The following PRDM16 variants were observed in gnomAD, a reference collection of about 807,000 sequenced individuals.
PRDM16 encodes histone-lysine N-methyltransferase PRDM16.
In PRDM16, 23 loss-of-function variants were observed where a neutral mutation model predicts 110.6. The ratio of observed to expected loss-of-function variants is 0.21; its 90% CI spans 0.15 to 0.29. The LOEUF (loss-of-function observed/expected upper bound fraction) is 0.29. Ranked by LOEUF, PRDM16 falls within the 10% of genes least tolerant of loss-of-function variation. The pLI, the probability that PRDM16 is intolerant of heterozygous loss-of-function variation, is 1.00. For missense variants in PRDM16, 1,615 were observed against 1,794.3 expected (o/e 0.90, Z 1.81); for synonymous variants, 799 against 781.8 (o/e 1.02, Z -0.37).
At chr1:3,293,228 C>T (rs577956449) in intron 3 of PRDM16, among the ~76,000 whole-genome samples, 4 of 152,306 alleles carry the variant, frequency 2.6e-5, no homozygotes, top group South Asian at 2.1e-4. Context: ...TAAGTCGGGG[C>T]GAGGGGGCCC....
chr1:3,319,954 G>A lies in PRDM16; in HGVS notation c.439-65198G>A, dbSNP rs762295828. Among the ~76,000 whole-genome samples, 7 of 152,206 alleles carry A rather than the reference G, an allele frequency of 4.6e-5. 1 individual carries two copies. Among genetic ancestry groups the A allele is most frequent in the African/African-American group, 1.2e-4 (5 of 41,448 alleles). On this transcript the variant is annotated intron_variant, in intron 3 of 16. Coordinates refer to ENST00000270722, the MANE Select transcript of PRDM16 (RefSeq NM_022114.4). Reference sequence around the variant, plus strand: ...GGGCTCACAGCTGTGTCCCAGGGACGACTATTGTCATAGTCAGCCAGCCAT... The same window carrying A: ...GGGCTCACAGCTGTGTCCCAGGGACAACTATTGTCATAGTCAGCCAGCCAT...
At chr1:3,312,958 C>A (rs888583413) in intron 3 of PRDM16, among the ~76,000 whole-genome samples, 11 of 152,316 alleles carry the variant, frequency 7.2e-5, no homozygotes, top group Admixed American at 6.5e-4. Context: ...CCAAAAGGGG[C>A]GAGTACAGCT....
chr1:3,102,788 C>G (rs1642562161), intron 1 of PRDM16, among the ~76,000 whole-genome samples: 1 of 152,216 alleles, frequency 6.6e-6, no homozygotes, highest in South Asian at 2.1e-4. Context: ...GGAAGGGACT[C>G]TGGAAGGGCT....
intron 3 of PRDM16, among the ~76,000 whole-genome samples, chr1:3,346,803 C>A (rs1642371731): frequency 6.6e-6 from 1 of 152,206 alleles, no homozygotes; most frequent in Non-Finnish European, 1.5e-5. Flanking sequence ...CGTTCGCCCG[C>A]CCCAGTGGCC....
At chr1:3,275,631 G>T (rs1407924302) in intron 3 of PRDM16, among the ~76,000 whole-genome samples, 2 of 152,172 alleles carry the variant, frequency 1.3e-5, no homozygotes, top group Non-Finnish European at 2.9e-5. Context: ...CGCCAGAGCC[G>T]GTCCTGCCCA....
At position 3,078,910 on chromosome 1, in the gene PRDM16, A is replaced by G. The variant is rs79486068; in HGVS notation, c.37+9614A>G. ...GGAACGCATTGAAAAATGCCCAGACATTTCTCTCTGCCCAATGGGCTGTAA... is the reference window on the plus strand; with the variant it reads ...GGAACGCATTGAAAAATGCCCAGACGTTTCTCTCTGCCCAATGGGCTGTAA... On this transcript the variant is annotated intron_variant, in intron 1 of 16. Transcript: ENST00000270722. Among the ~76,000 whole-genome samples, 1,141 of 152,326 alleles carry G rather than the reference A, an allele frequency of 7.5e-3. 17 individuals are homozygous for G. Among genetic ancestry groups the G allele is most frequent in the East Asian group, 0.069 (357 of 5,178 alleles).
At chr1:3,356,085 G>A (rs1390955886) in intron 3 of PRDM16, among the ~76,000 whole-genome samples, 9 of 152,340 alleles carry the variant, frequency 5.9e-5, no homozygotes, top group Non-Finnish European at 1.5e-5. Context: ...GACCTTTCAT[G>A]TTCTTCTGGA....
chr1:3,194,590 C>T (rs925103245), intron 2 of PRDM16, among the ~76,000 whole-genome samples: 25 of 141,456 alleles, frequency 1.8e-4, no homozygotes, highest in African/African-American at 5.1e-4. Context: ...CACACGCCAC[C>T]GTCTCCCCAC....
intron 3 of PRDM16, among the ~76,000 whole-genome samples, chr1:3,323,408 T>G (rs1285893500): frequency 6.6e-6 from 1 of 152,236 alleles, no homozygotes; most frequent in Non-Finnish European, 1.5e-5. Context: ...CCAGAAGCGA[T>G]GAGCGGAAGC....
chr1:3,228,084 C>G (rs951719535), intron 2 of PRDM16, among the ~76,000 whole-genome samples: 2 of 152,260 alleles, frequency 1.3e-5, no homozygotes, highest in Admixed American at 1.3e-4. Flanking sequence ...GCGAGGCTGT[C>G]CCTGCCAGTT....
intron 3 of PRDM16, among the ~76,000 whole-genome samples, chr1:3,342,376 G>A (rs1481647805): frequency 6.6e-6 from 1 of 152,198 alleles, no homozygotes; most frequent in East Asian, 1.9e-4. Flanking sequence ...CTACTTCAGT[G>A]GCCCCTTCTG....
rs568884351 is a variant in PRDM16, at chr1:3,187,380, G to T, written c.387+906G>T. ...CAGCCTCTGGAGTGCCCGGATGGAGGTGGGCTCCTCATGGGCAAATGGCCT... is the reference window on the plus strand; with the variant it reads ...CAGCCTCTGGAGTGCCCGGATGGAGTTGGGCTCCTCATGGGCAAATGGCCT... On this transcript the variant is annotated intron_variant, in intron 2 of 16. Coordinates refer to ENST00000270722, the MANE Select transcript of PRDM16 (RefSeq NM_022114.4). Among the ~76,000 whole-genome samples, 303 of 152,314 alleles carry T rather than the reference G, an allele frequency of 2.0e-3. 2 individuals are homozygous for T. The highest frequency in any genetic ancestry group is 6.9e-3 in the African/African-American group (286 of 41,580).
chr1:3,313,138 C>G (rs1387136243), intron 3 of PRDM16, among the ~76,000 whole-genome samples: 1 of 152,252 alleles, frequency 6.6e-6, no homozygotes, highest in East Asian at 1.9e-4. Context: ...CAGTGTCCTT[C>G]CTCGTGAGAG....
At chr1:3,236,162 C>T (rs1639534519) in intron 2 of PRDM16, among the ~76,000 whole-genome samples, 1 of 152,152 alleles carries the variant, frequency 6.6e-6, no homozygotes, top group South Asian at 2.1e-4. Context: ...TACCTTGTGC[C>T]CCGAGGTGCT....
chr1:3,117,530 G>A (rs549229979), intron 1 of PRDM16, among the ~76,000 whole-genome samples: 3 of 152,210 alleles, frequency 2.0e-5, no homozygotes, highest in East Asian at 1.9e-4. Flanking sequence ...TGGCTACCAC[G>A]CAGGCCTCGC....
intron 3 of PRDM16, among the ~76,000 whole-genome samples, chr1:3,364,442 G>T (rs1222669952): frequency 6.6e-6 from 1 of 152,170 alleles, no homozygotes; most frequent in Non-Finnish European, 1.5e-5. Flanking sequence ...GGTTAACACG[G>T]TGACACCCAC....
intron 2 of PRDM16, among the ~76,000 whole-genome samples, chr1:3,196,166 G>GGGC (rs1638469406): frequency 6.6e-6 from 1 of 152,244 alleles, no homozygotes; most frequent in Non-Finnish European, 1.5e-5. Flanking sequence ...GCTCCAGCAG[G>GGGC]GGCGGCAGCT....
rs1005296932 is a variant in PRDM16, at chr1:3,255,720, T to C, written c.438+11583T>C. ...CTGCCCCCCTTGGATGCCAGAGCTA[T>C]CTGGGAGTTGTGAAATATTCCTGGT... On this transcript the variant is annotated intron_variant, in intron 3 of 16. Transcript: ENST00000270722. The surrounding 1 kb of genome is among the most constrained non-coding windows in gnomAD (Gnocchi z 4.7). 6.6e-6 allele frequency among the ~76,000 whole-genome samples: 1 copy of C among 152,152 alleles called. No individual in the cohort carries two copies. Among genetic ancestry groups the C allele is most frequent in the Non-Finnish European group, 1.5e-5 (1 of 68,024 alleles).
chr1:3,389,139 C>A (rs894542969), intron 4 of PRDM16, among the ~76,000 whole-genome samples: 1 of 152,192 alleles, frequency 6.6e-6, no homozygotes, highest in Admixed American at 6.5e-5. Context: ...GCCATGTGCT[C>A]CTCTGCAGCC....
Sources: allele counts gnomAD v4.1 joint callset (sites outside exome capture counted in the v4.1 genomes callset), GRCh38; gene constraint gnomAD v4.1.1; non-coding constraint Gnocchi (gnomAD v3.1); transcripts MANE v1.5; gene names NCBI Gene and HGNC (gene_info 2026-07-23, HGNC 2026-07-21).